SNRNP200: variants seen among roughly 807,000 people sequenced by gnomAD.
SNRNP200 encodes the protein U5 small nuclear ribonucleoprotein 200 kDa helicase.
In SNRNP200, 66 loss-of-function variants were observed where a neutral mutation model predicts 255.2. The observed-to-expected ratio is 0.26, with a 90% CI of 0.21 to 0.32. SNRNP200 has a LOEUF of 0.32. Ranked by LOEUF, SNRNP200 falls within the 10% of genes least tolerant of loss-of-function variation. The probability of loss-of-function intolerance (pLI) is 1.00; values close to 1 mark genes in which losing one functional copy is unlikely to be tolerated. For missense variants in SNRNP200, 1,585 were observed against 2,749.8 expected, an observed-to-expected ratio of 0.58 and a Z score of 9.47; for synonymous variants, 939 against 1,027.8, an observed-to-expected ratio of 0.91 and a Z score of 1.65.
chr2:96,290,080 A>G lies in SNRNP200; in HGVS notation c.2743-84T>C. ...GCTCCCATGAATTGCTTAGAAATTA[A>G]TTCCCAACTACAAGGATGCATATTA... On this transcript the variant is annotated intron_variant, in intron 20 of 44. Coordinates refer to ENST00000323853, the MANE Select transcript of SNRNP200 (RefSeq NM_014014.5). This position sits in a 1 kb window ranked among gnomAD's most constrained non-coding sequence, Gnocchi z 4.5. The G allele has an allele frequency of 7.6e-7, 1 of 1,309,872 alleles. No individual in the cohort carries two copies. The allele number at this position is 1,309,872 out of a possible 1,614,324, so 81.1% of individuals were successfully genotyped here. A position where few individuals can be genotyped will look rare whatever the true frequency, so the allele number is the denominator to read the frequency against.
In SNRNP200 at chr2:96,284,437, C is replaced by T. The variant is rs1393457545; in HGVS notation, c.4313G>A (p.Arg1438Gln). The stretch of plus-strand genomic sequence containing the variant: ...CTGCACGTTCTTGCGCTGCTTCCAT[C>T]GCCGGGAAAGTATGTCCCACTTCTC... ...TPEKWDILSRRWKQRKNVQNI... is the reference protein window; with the variant it reads ...TPEKWDILSRQWKQRKNVQNI... Residue 1438 changes from arginine to glutamine, a missense_variant, in exon 31 of 45, where the codon CGA (arginine) becomes CAA (glutamine). Around this residue, in one of 9 missense-constraint regions of SNRNP200, gnomAD observed 719 missense variants for 1,091.1 expected, o/e 0.66. Transcript: ENST00000323853. 1 of 1,614,188 alleles carries T rather than the reference C, an allele frequency of 6.2e-7. No homozygotes were observed. Among genetic ancestry groups the T allele is most frequent in the Non-Finnish European group, 8.5e-7 (1 of 1,180,042 alleles).
chr2:96,297,911 C>T (rs181418388), intron 9 of SNRNP200, among the ~76,000 whole-genome samples, 191 bp from the exon 10 acceptor site: 26 of 152,322 alleles, frequency 1.7e-4, no homozygotes, highest in Non-Finnish European at 3.2e-4. Flanking sequence ...AGGGGCAATG[C>T]GCAGTACAAG....
Position 96,298,279 on chromosome 2 carries a change from C to T in SNRNP200, c.1119+5G>A. The T allele has an allele frequency of 6.2e-7, 1 of 1,614,198 alleles. No homozygotes were observed. Among genetic ancestry groups the T allele is most frequent in the Non-Finnish European group, 8.5e-7 (1 of 1,180,032 alleles). Reference sequence around the variant, plus strand: ...ATCAGACAGATAAACCAACCCAGTCCTTACTCGGATCAGATCCTCCTTCTC... The same window carrying T: ...ATCAGACAGATAAACCAACCCAGTCTTTACTCGGATCAGATCCTCCTTCTC... On this transcript the variant is annotated splice_donor_5th_base_variant and intron_variant, in intron 9 of 44. Transcript: ENST00000323853.
chr2:96,275,345 C>T lies in SNRNP200; in HGVS notation c.6179G>A (p.Arg2060His), dbSNP rs759740314. 3.1e-6 allele frequency: 5 copies of T among 1,612,922 alleles called. No homozygotes were observed. The highest frequency in any genetic ancestry group is 1.3e-5 in the African/African-American group (1 of 74,870). The change falls in exon 44 of 45, where the codon CGT (arginine) becomes CAT (histidine). Residue 2060 changes from arginine to histidine, a missense_variant. Arg to His is a conservative substitution (Grantham distance 29, BLOSUM62 0). Around this residue, in one of 9 missense-constraint regions of SNRNP200, gnomAD observed 279 missense variants for 551.2 expected, o/e 0.51. Transcript: ENST00000323853. ...PVIAPLFPQK[R>H]EEGWWVVIGD... is the part of the protein sequence containing the mutation. The stretch of plus-strand genomic sequence containing the variant: ...AATCACCACCCACCAGCCCTCTTCA[C>T]GTTTCTGCAGTGATCCAAAACCAAG...
intron 16 of SNRNP200, among the ~76,000 whole-genome samples, chr2:96,292,259 A>G (rs1317188294): frequency 6.6e-6 from 1 of 152,268 alleles, no homozygotes; most frequent in African/African-American, 2.4e-5. Flanking sequence ...AATAACAACT[A>G]AAACATTACA....
rs536729885 is a variant in SNRNP200 at position 96,291,054 on chromosome 2, A to G, written c.2422-239T>C. On this transcript the variant is annotated intron_variant, in intron 18 of 44. Transcript: ENST00000323853. The surrounding 1 kb of genome is among the most constrained non-coding windows in gnomAD (Gnocchi z 4.2). ...AGGCACAAGTGCAGACTTGTATTAA[A>G]CAACCTTAAAGTTACTAGAAAAGGT... Among the ~76,000 whole-genome samples the G allele has an allele frequency of 6.6e-6, 1 of 152,320 alleles. No individual in the cohort carries two copies. The highest frequency in any genetic ancestry group is 2.4e-5 in the African/African-American group (1 of 41,574).
rs201294843 is a variant in SNRNP200 at position 96,283,589 on chromosome 2, C to T, written c.4709G>A (p.Arg1570His). The change falls in exon 33 of 45, where the codon CGC (arginine) becomes CAC (histidine). Residue 1570 changes from arginine to histidine, a missense_variant. Physicochemically the swap from Arg to His is conservative, Grantham distance 29. Transcript: ENST00000323853. The surrounding 1 kb of genome is among the most constrained non-coding windows in gnomAD (Gnocchi z 4.7). Reference protein sequence around the residue: ...IVFVPSRKQTRLTAIDILTTC... With the variant: ...IVFVPSRKQTHLTAIDILTTC... ...GGTGAGGATGTCAATGGCAGTGAGG[C>T]GGGTCTGCTTGCGAGACGGCACAAA... The T allele has an allele frequency of 9.9e-6, 16 of 1,614,026 alleles. No homozygotes were observed. The highest frequency in any genetic ancestry group is 1.3e-5 in the African/African-American group (1 of 74,994).
chr2:96,282,088 G>A (rs138207778), intron 34 of SNRNP200, 166 bp from the exon 35 acceptor site: 1 of 620,274 alleles, frequency 1.6e-6, no homozygotes, highest in African/African-American at 1.8e-5. Context: ...ACATTGCTAT[G>A]AGGTAGCTCC....
In SNRNP200 at chr2:96,304,695, T is replaced by C. The variant is rs1322976111; in HGVS notation, c.209+10A>G. ...TCTGAAGGAAAAAATAGTATCCCCT[T>C]GGCACTCACTTGGCTCTTCTTTCCT... On this transcript the variant is annotated intron_variant, in intron 2 of 44. Transcript: ENST00000323853. 6 of 1,613,900 alleles carry C rather than the reference T, an allele frequency of 3.7e-6. No homozygotes were observed. The highest frequency in any genetic ancestry group is 2.7e-5 in the African/African-American group (2 of 74,920).
intron 2 of SNRNP200, 110 bp from the exon 3 acceptor site, chr2:96,303,440 G>A: frequency 7.8e-7 from 1 of 1,278,706 alleles, no homozygotes; most frequent in African/African-American, 1.5e-5. Flanking sequence ...GTTAATATCT[G>A]AAAACAGGTA....
At chr2:96,288,608 A>G (rs528437517) in intron 24 of SNRNP200, 55 bp downstream of exon 24, 1 of 1,448,784 alleles carries the variant, frequency 6.9e-7, no homozygotes, top group South Asian at 1.1e-5. Flanking sequence ...CACAGCACAC[A>G]GGGATTGAAC....
rs779071961 is a variant in SNRNP200 at position 96,278,845 on chromosome 2, G to A, written c.5287C>T (p.Arg1763Cys). 1.2e-6 allele frequency: 2 copies of A among 1,614,184 alleles called. No individual in the cohort carries two copies. The highest frequency in any genetic ancestry group is 2.2e-5 in the South Asian group (2 of 91,076). The change falls in exon 37 of 45, where the codon CGC (arginine) becomes TGC (cysteine). Residue 1763 changes from arginine to cysteine, a missense_variant. Transcript: ENST00000323853. The surrounding 1 kb of genome is among the most constrained non-coding windows in gnomAD (Gnocchi z 6.9). ...DYLTWTFLYR[R>C]MTQNPNYYNL... ...TAGTAATTGGGGTTCTGTGTCATGCGGCGGTACAGAAAGGTCCAGGTGAGG... is the reference window on the plus strand; with the variant it reads ...TAGTAATTGGGGTTCTGTGTCATGCAGCGGTACAGAAAGGTCCAGGTGAGG...
At chr2:96,279,146 C>A in intron 36 of SNRNP200, 148 bp from the exon 37 acceptor site, 1 of 719,294 alleles carries the variant, frequency 1.4e-6, no homozygotes. Flanking sequence ...AAGTGCATCA[C>A]TGGTGACAAT....
rs1171989811 is a variant in SNRNP200, at chr2:96,274,511, C to CTGA, written c.*498_*500dup. The CTGA allele has an allele frequency of 5.1e-6, 1 of 195,830 alleles. No homozygotes were observed. The highest frequency in any genetic ancestry group is 1.1e-5 in the Non-Finnish European group (1 of 93,720). The allele number at this position is 195,830 out of a possible 1,614,324, so 12.1% of individuals were successfully genotyped here. Reference sequence around the variant, plus strand: ...CTCAGTGTTGGTTCTTGTGGTAGTGCTGATGTGTGGGTACCACTGAGGCCA... The same window carrying CTGA: ...CTCAGTGTTGGTTCTTGTGGTAGTGCTGATGATGTGTGGGTACCACTGAGGCCA... On this transcript the variant is annotated 3_prime_UTR_variant, in exon 45 of 45. Transcript: ENST00000323853.
chr2:96,299,055 A>G (rs781221950), intron 6 of SNRNP200, 88 bp from the exon 7 acceptor site: 107 of 1,542,918 alleles, frequency 6.9e-5, no homozygotes, highest in Non-Finnish European at 8.9e-5. Context: ...TCTACTTGAC[A>G]ATCCATAGCC....
In SNRNP200 at chr2:96,283,650, T is replaced by C. The variant is rs1483927730; in HGVS notation, c.4648A>G (p.Ile1550Val). The change falls in exon 33 of 45, where the codon ATC (isoleucine) becomes GTC (valine). Residue 1550 changes from isoleucine to valine, a missense_variant. Around this residue, in one of 9 missense-constraint regions of SNRNP200, gnomAD observed 719 missense variants for 1,091.1 expected, o/e 0.66. Coordinates refer to ENST00000323853, the MANE Select transcript of SNRNP200 (RefSeq NM_014014.5). This position sits in a 1 kb window ranked among gnomAD's most constrained non-coding sequence, Gnocchi z 4.7. ...LSMAKPVYHA[I>V]TKHSPKKPVI... ...GGCTTCTTGGGCGAGTGCTTGGTGA[T>C]AGCATGGTACACAGGCTTGGCCATG... 12 of 1,614,100 alleles carry C rather than the reference T, an allele frequency of 7.4e-6. No individual in the cohort carries two copies. The highest frequency in any genetic ancestry group is 9.3e-6 in the Non-Finnish European group (11 of 1,180,026).
intron 1 of SNRNP200, among the ~76,000 whole-genome samples, chr2:96,305,153 T>A (rs574027300): frequency 6.6e-6 from 1 of 152,058 alleles, no homozygotes. Flanking sequence ...GAGTGACGTG[T>A]GGAAGGGGGA....
In SNRNP200 at chr2:96,287,445, CATT is replaced by C. The variant is rs1278166351; in HGVS notation, c.3475_3477del (p.Asn1159del). ...GCGAGAGCATCCCACACACCAATCT[CATT>C]ATGATTCAGGTCGTACAGACGCTCA... On this transcript the variant is annotated inframe_deletion, in exon 26 of 45. Transcript: ENST00000323853. The surrounding 1 kb of genome is among the most constrained non-coding windows in gnomAD (Gnocchi z 5.7). The C allele has an allele frequency of 6.2e-7, 1 of 1,607,010 alleles. No homozygotes were observed. The highest frequency in any genetic ancestry group is 8.5e-7 in the Non-Finnish European group (1 of 1,173,552).
At chr2:96,284,202 A>T (rs1402887633) in intron 31 of SNRNP200, 156 bp downstream of exon 31, 1 of 878,596 alleles carries the variant, frequency 1.1e-6, no homozygotes, top group Non-Finnish European at 1.8e-6. Flanking sequence ...AAGTACTACC[A>T]AAAAAGTTAA....
Sources: allele counts gnomAD v4.1 joint callset (sites outside exome capture counted in the v4.1 genomes callset), GRCh38; gene constraint gnomAD v4.1.1; regional missense constraint gnomAD v4.1.1; non-coding constraint Gnocchi (gnomAD v3.1); transcripts MANE v1.5; gene names NCBI Gene and HGNC (gene_info 2026-07-23, HGNC 2026-07-21).